Variants in ZBTB7C observed in about 807,000 individuals in gnomAD.
ZBTB7C encodes zinc finger and BTB domain-containing protein 7C.
In ZBTB7C, 8 loss-of-function variants were observed where a neutral mutation model predicts 25.7. The observed-to-expected ratio is 0.31, with a 90% CI of 0.18 to 0.56. The LOEUF (loss-of-function observed/expected upper bound fraction) is 0.56. ZBTB7C is among the 20% of genes least tolerant of loss of function. ZBTB7C has a pLI of 0.91. For missense variants in ZBTB7C, 824 were observed against 855.2 expected, an observed-to-expected ratio of 0.96 and a Z score of 0.46; for synonymous variants, 394 against 369.0, an observed-to-expected ratio of 1.07 and a Z score of -0.78.
At chr18:48,192,990 C>T (rs1223162236) in intron 2 of ZBTB7C, among the ~76,000 whole-genome samples, 1 of 152,150 alleles carries the variant, frequency 6.6e-6, no homozygotes, top group Non-Finnish European at 1.5e-5. Context: ...CATTTCAAAA[C>T]ACAACGCTCG....
intron 2 of ZBTB7C, among the ~76,000 whole-genome samples, chr18:48,277,526 T>C (rs925908290): frequency 4.6e-5 from 7 of 152,228 alleles, no homozygotes; most frequent in Non-Finnish European, 1.0e-4. Context: ...GCTATTTCAC[T>C]TAGATTTTGA....
chr18:48,226,414 A>G (rs1390307409), intron 2 of ZBTB7C, among the ~76,000 whole-genome samples: 1 of 152,190 alleles, frequency 6.6e-6, no homozygotes, highest in Non-Finnish European at 1.5e-5. Flanking sequence ...TCAACCATAC[A>G]CACTAAGCAA....
At chr18:48,344,284 G>C (rs562592023) in intron 1 of ZBTB7C, among the ~76,000 whole-genome samples, 17 of 152,188 alleles carry the variant, frequency 1.1e-4, no homozygotes, top group Non-Finnish European at 1.8e-4. Context: ...ACACGTGGCC[G>C]GGAAGTGTGT....
intron 3 of ZBTB7C, among the ~76,000 whole-genome samples, chr18:48,068,428 C>T (rs773430045): frequency 1.3e-5 from 2 of 151,926 alleles, no homozygotes; most frequent in Admixed American, 6.6e-5. Flanking sequence ...TGTGAGCCAC[C>T]GCACCTGGCT....
intron 3 of ZBTB7C, among the ~76,000 whole-genome samples, chr18:48,103,361 A>G (rs1399978751): frequency 6.6e-6 from 1 of 152,134 alleles, no homozygotes; most frequent in Non-Finnish European, 1.5e-5. Context: ...AAGAAGGCTT[A>G]GGGACAAGTT....
intron 2 of ZBTB7C, among the ~76,000 whole-genome samples, chr18:48,278,965 CA>C (rs2044750518): frequency 6.7e-6 from 1 of 149,010 alleles, no homozygotes; most frequent in South Asian, 2.1e-4. Flanking sequence ...TTTAATTCAT[CA>C]ATTGGAGAAT....
chr18:48,364,820 T>A (rs2047186533), intron 1 of ZBTB7C, among the ~76,000 whole-genome samples: 1 of 152,220 alleles, frequency 6.6e-6, no homozygotes, highest in Admixed American at 6.5e-5. Context: ...TAGCATACCA[T>A]ATGTAATACA....
In ZBTB7C at chr18:48,399,057, AG is replaced by A. The variant is rs2048097856; in HGVS notation, c.-304+10168del. 2.0e-5 allele frequency among the ~76,000 whole-genome samples: 3 copies of A among 152,364 alleles called. No homozygotes were observed. The South Asian group carries it at 6.2e-4, about 32-fold the overall frequency. ...TCCATGTAGGCGGGCTGGTTAGATA[AG>A]TCAAGGTATAATTGTCAGACAGTCA... is the stretch of plus-strand genomic sequence containing the variant. On this transcript the variant is annotated intron_variant, in intron 1 of 4. Transcript: ENST00000590800.
At position 48,040,364 on chromosome 18, in the gene ZBTB7C, C is replaced by T; in HGVS notation, c.744G>A (p.Leu248=). ...KANIPDRRPS[L]SPFAPDFFPH... is the part of the protein sequence containing the mutation. ...GAAAGAAGTCCGGGGCGAATGGAGA[C>T]AAGGAGGGTCTCCTGTCGGGGATGT... is the stretch of plus-strand genomic sequence containing the variant. The change falls in exon 4 of 5, where the codon TTG becomes TTA. Residue 248 remains leucine, a synonymous_variant. Transcript: ENST00000590800. The T allele has an allele frequency of 6.2e-7, 1 of 1,610,916 alleles. No individual in the cohort carries two copies. Among genetic ancestry groups the T allele is most frequent in the Non-Finnish European group, 8.5e-7 (1 of 1,178,416 alleles).
chr18:48,325,397 A>T (rs149959177), intron 2 of ZBTB7C, among the ~76,000 whole-genome samples: 1 of 152,238 alleles, frequency 6.6e-6, no homozygotes, highest in Non-Finnish European at 1.5e-5. Flanking sequence ...CATTGCATTG[A>T]TTCTTATTCA....
Position 48,074,366 on chromosome 18 carries a change from G to T in ZBTB7C, c.-16-33243C>A, listed in dbSNP as rs1598829147. Among the ~76,000 whole-genome samples, 4 of 151,458 alleles carry T rather than the reference G, an allele frequency of 2.6e-5. No individual in the cohort carries two copies. The South Asian group carries it at 8.9e-4, about 34-fold the overall frequency. On this transcript the variant is annotated intron_variant, in intron 3 of 4. Coordinates refer to ENST00000590800, the MANE Select transcript of ZBTB7C (RefSeq NM_001318841.2). ...CCATCTGGGGGGCAGTCATTCCTGA[G>T]ATATCGCTTTTTCCTTCATATAACA...
chr18:48,351,244 C>T (rs2046856083), intron 1 of ZBTB7C, among the ~76,000 whole-genome samples: 1 of 152,142 alleles, frequency 6.6e-6, no homozygotes, highest in Admixed American at 6.5e-5. Flanking sequence ...CCTGCTGCCC[C>T]CGTGTTTATT....
At chr18:48,165,024 C>T (rs766410587) in intron 3 of ZBTB7C, 19 of 1,201,330 alleles carry the variant, frequency 1.6e-5, no homozygotes, top group Non-Finnish European at 1.8e-5. Context: ...TAAGCCAAAA[C>T]AATTCTATAC....
At chr18:48,106,658 C>G (rs1020755060) in intron 3 of ZBTB7C, among the ~76,000 whole-genome samples, 1 of 152,130 alleles carries the variant, frequency 6.6e-6, no homozygotes, top group Non-Finnish European at 1.5e-5. Flanking sequence ...AAACTACACT[C>G]TAAATATGGG....
chr18:48,221,228 C>G (rs2042946142), intron 2 of ZBTB7C, among the ~76,000 whole-genome samples: 3 of 150,960 alleles, frequency 2.0e-5, no homozygotes, highest in Admixed American at 2.0e-4. Context: ...CTTGTCTCCT[C>G]TATACTGTCC....
chr18:48,054,408 T>TG (rs2036830788), intron 3 of ZBTB7C, among the ~76,000 whole-genome samples: 1 of 151,990 alleles, frequency 6.6e-6, no homozygotes. Context: ...GGAGCTGCCG[T>TG]GGGGGGTGGC....
intron 1 of ZBTB7C, among the ~76,000 whole-genome samples, chr18:48,365,478 A>G (rs1025248362): frequency 6.6e-6 from 1 of 152,050 alleles, no homozygotes; most frequent in African/African-American, 2.4e-5. Flanking sequence ...GGCACTACAG[A>G]CTCTCTATCT....
intron 1 of ZBTB7C, among the ~76,000 whole-genome samples, chr18:48,403,737 G>A (rs182377924): frequency 6.6e-6 from 1 of 152,266 alleles, no homozygotes; most frequent in Non-Finnish European, 1.5e-5. Context: ...ACGCTGCTCA[G>A]GTGATGGGTG....
At chr18:48,160,729 G>A (rs1301686960) in intron 3 of ZBTB7C, among the ~76,000 whole-genome samples, 1 of 152,128 alleles carries the variant, frequency 6.6e-6, no homozygotes, top group African/African-American at 2.4e-5. Flanking sequence ...ACCTGAAAAT[G>A]TAAGAACTCA....
Sources: gnomAD v4.1 joint callset for allele counts (sites outside exome capture counted in the v4.1 genomes callset) on GRCh38, gnomAD v4.1.1 for gene constraint, MANE v1.5 for transcripts, NCBI Gene and HGNC (gene_info 2026-07-23, HGNC 2026-07-21) for gene names.